The following DENND5A variants were observed in gnomAD, a reference collection of about 807,000 sequenced individuals.
DENND5A encodes DENN domain containing 5A.
Under a neutral mutation model 140.3 loss-of-function variants are expected in DENND5A, and 64 were observed. The ratio of observed to expected loss-of-function variants is 0.46; its 90% CI spans 0.37 to 0.56. The LOEUF is 0.56. Among genes scored for constraint, DENND5A ranks in the 20% least tolerant of loss-of-function variants. The pLI is 0.00. For synonymous variants in DENND5A, 605 were observed against 607.7 expected, an observed-to-expected ratio of 1.00 and a Z score of 0.07; for missense variants, 1,292 against 1,593.8, an observed-to-expected ratio of 0.81 and a Z score of 3.22.
chr11:9,147,854 C>A (rs1448958061), intron 15 of DENND5A, among the ~76,000 whole-genome samples: 1 of 152,192 alleles, frequency 6.6e-6, no homozygotes, highest in Non-Finnish European at 1.5e-5. Flanking sequence ...AGAGGAGACA[C>A]CCAGAGCCAA....
chr11:9,182,663 A>C (rs1424809662), intron 5 of DENND5A, among the ~76,000 whole-genome samples: 1 of 152,250 alleles, frequency 6.6e-6, no homozygotes, highest in Non-Finnish European at 1.5e-5. Flanking sequence ...TAGGCACAGA[A>C]AGATAAATAC....
Position 9,165,878 on chromosome 11 carries a change from A to G in DENND5A, c.2241T>C (p.Asn747=), listed in dbSNP as rs770772606. 7.4e-6 allele frequency: 12 copies of G among 1,613,984 alleles called. No homozygotes were observed. The East Asian group carries it at 1.1e-4, about 15-fold the overall frequency. Residue 747 remains asparagine, a synonymous_variant, in exon 11 of 23, where the codon AAT becomes AAC. Coordinates refer to ENST00000328194, the MANE Select transcript of DENND5A (RefSeq NM_015213.4). The part of the protein sequence containing the change: ...NLSPSVIAQT[N]WKFVEGLLKE... Reference sequence around the variant, plus strand: ...TCAGCAGGCCCTCTACAAACTTCCAATTGGTCTGGGCAATCACTGATGGAG... The same window carrying G: ...TCAGCAGGCCCTCTACAAACTTCCAGTTGGTCTGGGCAATCACTGATGGAG...
At chr11:9,186,776 C>T (rs1275622415) in intron 5 of DENND5A, among the ~76,000 whole-genome samples, 1 of 152,128 alleles carries the variant, frequency 6.6e-6, no homozygotes, top group Non-Finnish European at 1.5e-5. Flanking sequence ...AGTTAATATA[C>T]CCTAGAGACT....
At chr11:9,263,931 A>AGTAAGATTAG (rs1302434308) in intron 1 of DENND5A, among the ~76,000 whole-genome samples, 1 of 151,880 alleles carries the variant, frequency 6.6e-6, no homozygotes, top group Non-Finnish European at 1.5e-5. Context: ...GTTGAAGCCG[A>AGTAAGATTAG]GTAAGATTAG....
intron 4 of DENND5A, among the ~76,000 whole-genome samples, chr11:9,194,939 G>A (rs921341654): frequency 1.3e-5 from 2 of 149,914 alleles, no homozygotes; most frequent in Non-Finnish European, 3.0e-5. Context: ...GGCTGGTCTC[G>A]AACTCCTAAC....
intron 21 of DENND5A, 106 bp downstream of exon 21, chr11:9,142,616 C>G: frequency 7.2e-7 from 1 of 1,393,570 alleles, no homozygotes; most frequent in African/African-American, 1.4e-5. Flanking sequence ...TGAGAGTCAC[C>G]TAATTTGGGT....
At chr11:9,176,310 A>G (rs1288101225) in intron 8 of DENND5A, among the ~76,000 whole-genome samples, 1 of 152,262 alleles carries the variant, frequency 6.6e-6, no homozygotes, top group African/African-American at 2.4e-5. Context: ...AAGACTTGCC[A>G]TACATTTGGC....
rs780254804 is a variant in DENND5A at position 9,204,107 on chromosome 11, G to A, written c.502C>T (p.Pro168Ser). Residue 168 changes from proline to serine, a missense_variant, in exon 4 of 23, where the codon CCT (proline) becomes TCT (serine). Around this residue, in one of 4 missense-constraint regions of DENND5A, gnomAD observed 566 missense variants for 650.4 expected, o/e 0.87. Coordinates refer to ENST00000328194, the MANE Select transcript of DENND5A (RefSeq NM_015213.4). Reference protein sequence around the residue: ...NAEYDVLHAPPADDRDQSSME... With the variant: ...NAEYDVLHAPSADDRDQSSME... The stretch of plus-strand genomic sequence containing the variant: ...CTGCTCTGGTCTCTGTCATCAGCAG[G>A]GGGAGCATGTAGGACATCATACTCA... The A allele has an allele frequency of 1.2e-6, 2 of 1,614,130 alleles. No individual in the cohort carries two copies. Among genetic ancestry groups the A allele is most frequent in the Non-Finnish European group, 1.7e-6 (2 of 1,180,026 alleles).
chr11:9,161,492 T>C (rs997869194), intron 11 of DENND5A, among the ~76,000 whole-genome samples: 2 of 152,262 alleles, frequency 1.3e-5, no homozygotes, highest in Non-Finnish European at 2.9e-5. Flanking sequence ...ATCTCTGACA[T>C]TGTCTGATTC....
chr11:9,181,529 G>T (rs1382234653), intron 5 of DENND5A, among the ~76,000 whole-genome samples: 1 of 151,886 alleles, frequency 6.6e-6, no homozygotes, highest in African/African-American at 2.4e-5. Context: ...AACCCAGACT[G>T]TTGCCCAGAC....
intron 5 of DENND5A, among the ~76,000 whole-genome samples, chr11:9,185,107 T>C (rs1263461086): frequency 1.3e-5 from 2 of 152,120 alleles, no homozygotes; most frequent in East Asian, 1.9e-4. Context: ...AGGAGAATCA[T>C]ATGAACCCAG....
At chr11:9,187,836 T>C (rs138618274) in intron 5 of DENND5A, among the ~76,000 whole-genome samples, 585 of 152,318 alleles carry the variant, frequency 3.8e-3, no homozygotes, top group Non-Finnish European at 4.9e-3. Context: ...TGAGCTCATG[T>C]GTTGGTGCAA....
At chr11:9,170,577 C>A (rs1210370985) in intron 9 of DENND5A, 50 bp downstream of exon 9, 1 of 1,608,876 alleles carries the variant, frequency 6.2e-7, no homozygotes, top group East Asian at 2.2e-5. Context: ...TACTAGATGA[C>A]CCTATTACAG....
chr11:9,207,505 T>A, intron 2 of DENND5A, 56 bp downstream of exon 2: 1 of 1,303,990 alleles, frequency 7.7e-7, no homozygotes, highest in Non-Finnish European at 1.1e-6. Flanking sequence ...ACTGGAGAGA[T>A]ATATGTAAGA....
chr11:9,207,121 C>A, intron 2 of DENND5A: 3 of 423,842 alleles, frequency 7.1e-6, no homozygotes, highest in South Asian at 2.2e-5. Flanking sequence ...CCCTGAAAGC[C>A]ACATTTAATT....
chr11:9,145,235 G>A (rs1847387444), intron 17 of DENND5A, 122 bp from the exon 18 acceptor site: 4 of 744,038 alleles, frequency 5.4e-6, no homozygotes, highest in African/African-American at 3.5e-5. Flanking sequence ...CAGGCTTAGA[G>A]GTCATGGCTC....
chr11:9,254,735 G>A (rs1314610426), intron 1 of DENND5A, among the ~76,000 whole-genome samples: 2 of 152,046 alleles, frequency 1.3e-5, no homozygotes, highest in African/African-American at 4.8e-5. Flanking sequence ...CTTCATCTCT[G>A]GGGAGGGATA....
rs145488632 is a variant in DENND5A, at chr11:9,159,918, T to G, written c.2436+795A>C. Among the ~76,000 whole-genome samples the G allele has an allele frequency of 5.3e-3, 808 of 152,348 alleles. 4 individuals carry two copies. The highest frequency in any genetic ancestry group is 0.01 in the Admixed American group (158 of 15,300). On this transcript the variant is annotated intron_variant, in intron 12 of 22. Transcript: ENST00000328194. ...ATACAGCTATATACGCATGGGCATA[T>G]GTACACAGAAGAATGCTCTGAAGAA... is the stretch of plus-strand genomic sequence containing the variant.
chr11:9,178,897 G>C lies in DENND5A; in HGVS notation c.1632C>G (p.Ser544=), dbSNP rs760114663. 3.7e-6 allele frequency: 6 copies of C among 1,613,962 alleles called. No homozygotes were observed. In the East Asian group the frequency reaches 8.9e-5, roughly 24 times the overall value. Reference sequence around the variant, plus strand: ...GCATTTGCTCCCTGTTGGTAAACCAGGATTCCTTATCCTGGCTGGGTTGGA... The same window carrying C: ...GCATTTGCTCCCTGTTGGTAAACCACGATTCCTTATCCTGGCTGGGTTGGA... ...FVIQPSQDKE[S]WFTNREQMQN... The change falls in exon 7 of 23, where the codon TCC becomes TCG. Residue 544 remains serine, a synonymous_variant. Transcript: ENST00000328194.
Sources: allele counts gnomAD v4.1 joint callset (sites outside exome capture counted in the v4.1 genomes callset), GRCh38; gene constraint gnomAD v4.1.1; regional missense constraint gnomAD v4.1.1; transcripts MANE v1.5; gene names NCBI Gene and HGNC (gene_info 2026-07-23, HGNC 2026-07-21).